Variants in ADGRL2 observed in about 807,000 individuals in gnomAD.
The protein encoded by ADGRL2 is calcium-independent alpha-latrotoxin receptor 2.
Under a neutral mutation model 157.4 loss-of-function variants are expected in ADGRL2, and 44 were observed. That is an observed-to-expected ratio of 0.28 (90% CI 0.22 to 0.36). ADGRL2 has a LOEUF of 0.36. ADGRL2 is among the 10% of genes least tolerant of loss of function. The probability of loss-of-function intolerance (pLI) is 1.00; values close to 1 mark genes in which losing one functional copy is unlikely to be tolerated. For synonymous variants in ADGRL2, 585 were observed against 624.7 expected, an observed-to-expected ratio of 0.94 and a Z score of 0.95; for missense variants, 1,510 against 1,768.9, an observed-to-expected ratio of 0.85 and a Z score of 2.63.
chr1:81,347,935 G>T (rs1174092320), intron 1 of ADGRL2, among the ~76,000 whole-genome samples: 1 of 152,132 alleles, frequency 6.6e-6, no homozygotes. Context: ...TATTCAGCTG[G>T]GAATGTGCAT....
chr1:81,711,143 G>A (rs2083914017), intron 1 of ADGRL2, among the ~76,000 whole-genome samples: 1 of 152,196 alleles, frequency 6.6e-6, no homozygotes, highest in Non-Finnish European at 1.5e-5. Flanking sequence ...TTACGAAGCT[G>A]TCAAGTTCAC....
rs141282302 is a variant in ADGRL2 at position 81,968,281 on chromosome 1, G to A, written c.2523+82G>A. The stretch of plus-strand genomic sequence containing the variant: ...CTTGTATAATAGTCCCATTCTTTGG[G>A]TGCTTACCGTAACTAAAAAGCAAAC... On this transcript the variant is annotated intron_variant, in intron 14 of 23. Transcript: ENST00000686636. 32 of 1,177,944 alleles carry A rather than the reference G, an allele frequency of 2.7e-5. 1 individual carries two copies. In the East Asian group the frequency reaches 6.4e-4, roughly 24 times the overall value. The allele number at this position is 1,177,944 out of a possible 1,614,324, so 73.0% of individuals were successfully genotyped here. A position where few individuals can be genotyped will look rare whatever the true frequency, so the allele number is the denominator to read the frequency against.
intron 2 of ADGRL2, among the ~76,000 whole-genome samples, chr1:81,568,906 G>A (rs1049670943): frequency 3.0e-4 from 46 of 152,042 alleles, no homozygotes; most frequent in African/African-American, 1.1e-3. Context: ...GTGTTATGTA[G>A]CAATAATACA....
intron 1 of ADGRL2, among the ~76,000 whole-genome samples, chr1:81,335,252 C>T (rs1213615068): frequency 6.6e-6 from 1 of 151,982 alleles, no homozygotes; most frequent in Non-Finnish European, 1.5e-5. Context: ...TCACCTAATC[C>T]CCACACATAC....
intron 2 of ADGRL2, among the ~76,000 whole-genome samples, chr1:81,507,171 A>G (rs1476081573): frequency 6.6e-6 from 1 of 152,060 alleles, no homozygotes; most frequent in Non-Finnish European, 1.5e-5. Flanking sequence ...ATGCTACTTG[A>G]GGAACAGGTG....
chr1:81,466,703 T>G (rs2078062754), intron 2 of ADGRL2, among the ~76,000 whole-genome samples: 1 of 152,030 alleles, frequency 6.6e-6, no homozygotes, highest in Non-Finnish European at 1.5e-5. Context: ...ATACACACTA[T>G]GTCTTTTTGT....
chr1:81,368,040 C>A (rs1327866008), intron 1 of ADGRL2, among the ~76,000 whole-genome samples: 1 of 152,172 alleles, frequency 6.6e-6, no homozygotes, highest in Non-Finnish European at 1.5e-5. Context: ...TGGGTATATA[C>A]CTACTAACAG....
At chr1:81,503,266 G>C in intron 2 of ADGRL2, 1 of 1,614,190 alleles carries the variant, frequency 6.2e-7, no homozygotes, top group Non-Finnish European at 8.5e-7. Flanking sequence ...CATTGGGAGC[G>C]TTAACATGTC....
At chr1:81,770,244 C>T (rs1359622011) in intron 2 of ADGRL2, among the ~76,000 whole-genome samples, 1 of 146,626 alleles carries the variant, frequency 6.8e-6, no homozygotes, top group Non-Finnish European at 1.5e-5. Flanking sequence ...CTCACTGCAA[C>T]CTCTGCCTCC....
At chr1:81,873,839 T>A (rs1489900316) in intron 2 of ADGRL2, among the ~76,000 whole-genome samples, 1 of 152,120 alleles carries the variant, frequency 6.6e-6, no homozygotes, top group East Asian at 1.9e-4. Flanking sequence ...AATAATTTGA[T>A]TTATTTTAGT....
At chr1:81,692,965 T>G (rs1241618873) in intron 3 of ADGRL2, among the ~76,000 whole-genome samples, 1 of 152,198 alleles carries the variant, frequency 6.6e-6, no homozygotes, top group Non-Finnish European at 1.5e-5. Context: ...CTTTACTAGC[T>G]TGGTCATTTT....
intron 3 of ADGRL2, among the ~76,000 whole-genome samples, chr1:81,646,444 T>G (rs1336241713): frequency 6.6e-6 from 1 of 152,220 alleles, no homozygotes; most frequent in Non-Finnish European, 1.5e-5. Flanking sequence ...AGAAAACATT[T>G]GTTTATGCTA....
intron 2 of ADGRL2, among the ~76,000 whole-genome samples, chr1:81,777,875 G>A (rs566323611): frequency 6.6e-6 from 1 of 152,204 alleles, no homozygotes; most frequent in Admixed American, 6.5e-5. Context: ...CCTTCTCATA[G>A]CTTTATCTCA....
chr1:81,837,203 G>A, intron 2 of ADGRL2, 146 bp downstream of exon 2: 1 of 486,710 alleles, frequency 2.1e-6, no homozygotes, highest in East Asian at 3.4e-5. Context: ...TGTTTATTAG[G>A]TGGTTGAGTT....
At chr1:81,950,741 T>C (rs1488505363) in intron 7 of ADGRL2, among the ~76,000 whole-genome samples, 1 of 152,192 alleles carries the variant, frequency 6.6e-6, no homozygotes, top group East Asian at 1.9e-4. Flanking sequence ...GAGTCTTCCT[T>C]ACAGCTGCCT....
At chr1:81,868,935 C>T (rs74095989) in intron 2 of ADGRL2, among the ~76,000 whole-genome samples, 163 of 152,174 alleles carry the variant, frequency 1.1e-3, no homozygotes, top group African/African-American at 3.6e-3. Context: ...TGTGGATATT[C>T]ATACTGCATA....
At chr1:81,436,724 T>C (rs750525622) in intron 1 of ADGRL2, among the ~76,000 whole-genome samples, 1 of 152,236 alleles carries the variant, frequency 6.6e-6, no homozygotes, top group Non-Finnish European at 1.5e-5. Context: ...GGAAGATCAG[T>C]ATGCCAGGGA....
intron 2 of ADGRL2, among the ~76,000 whole-genome samples, chr1:81,900,912 A>C (rs1282801606): frequency 6.6e-6 from 1 of 152,172 alleles, no homozygotes; most frequent in Non-Finnish European, 1.5e-5. Flanking sequence ...CGAGGCTAAA[A>C]AATAAAAATA....
chr1:81,542,577 T>G (rs2079910540), intron 2 of ADGRL2, among the ~76,000 whole-genome samples: 1 of 152,226 alleles, frequency 6.6e-6, no homozygotes, highest in Non-Finnish European at 1.5e-5. Context: ...TTTAAACATT[T>G]AGGCTCTAAT....
Sources: allele counts gnomAD v4.1 joint callset (sites outside exome capture counted in the v4.1 genomes callset), GRCh38; gene constraint gnomAD v4.1.1; transcripts MANE v1.5; gene names NCBI Gene and HGNC (gene_info 2026-07-23, HGNC 2026-07-21).